Variants in TUBE1 observed in about 807,000 individuals in gnomAD.
TUBE1 encodes the protein tubulin epsilon 1, also known as tubulin epsilon chain.
In TUBE1, 34 loss-of-function variants were observed where a neutral mutation model predicts 53.5. The observed-to-expected ratio is 0.64, with a 90% CI of 0.48 to 0.85. The LOEUF (loss-of-function observed/expected upper bound fraction) is 0.85, where lower values mean the gene tolerates loss of function less well. Ranked by LOEUF, TUBE1 falls within the 40% of genes least tolerant of loss-of-function variation. The probability of loss-of-function intolerance (pLI) is 0.00; values close to 1 mark genes in which losing one functional copy is unlikely to be tolerated. For missense variants in TUBE1, 532 were observed against 570.5 expected, an observed-to-expected ratio of 0.93 and a Z score of 0.69; for synonymous variants, 177 against 198.4, an observed-to-expected ratio of 0.89 and a Z score of 0.91.
chr6:112,085,972 T>C (rs112457382), intron 3 of TUBE1, among the ~76,000 whole-genome samples: 3,276 of 152,340 alleles, frequency 0.022, 118 homozygotes, highest in African/African-American at 0.076. Flanking sequence ...AGAACTGATG[T>C]TCCTATTGGA....
At chr6:112,073,400 T>C (rs1406708758) in intron 9 of TUBE1, among the ~76,000 whole-genome samples, 3 of 152,202 alleles carry the variant, frequency 2.0e-5, no homozygotes, top group South Asian at 2.1e-4. Context: ...TGAAACTCCA[T>C]AGTAGTTCTC....
rs1776969120 is a variant in TUBE1, at chr6:112,076,388, A to G, written c.570T>C (p.Tyr190=). The part of the protein sequence containing the change: ...SGEDDVITSP[Y]NSILAMKELN... ...GTTCCTTCATTGCCAAGATGCTATT[A>G]TAAGGTGAGGTTATGACATCATCCT... The change falls in exon 7 of 12, where the codon TAT becomes TAC. Residue 190 remains tyrosine, a synonymous_variant. Coordinates refer to ENST00000368662, the MANE Select transcript of TUBE1 (RefSeq NM_016262.5). The G allele has an allele frequency of 1.9e-6, 3 of 1,612,520 alleles. No homozygotes were observed. The highest frequency in any genetic ancestry group is 2.7e-5 in the African/African-American group (2 of 74,844).
At chr6:112,076,578 T>C (rs980507125) in intron 6 of TUBE1, 69 bp from the exon 7 acceptor site, 4 of 1,391,190 alleles carry the variant, frequency 2.9e-6, no homozygotes, top group Non-Finnish European at 3.9e-6. Context: ...AATTTGAAAC[T>C]TTATTTTTTT....
At chr6:112,079,468 CA>C in intron 6 of TUBE1, 164 bp downstream of exon 6, 1 of 502,608 alleles carries the variant, frequency 2.0e-6, no homozygotes. Context: ...CATAATTCCA[CA>C]AAATTTTAAG....
Position 112,072,023 on chromosome 6 carries a change from C to T in TUBE1, c.1148G>A (p.Ser383Asn). ...GCCCACAGGAGGTACGGAACACAGG[C>T]TGGTCTTCCAGCCTTCTTGATTCCA... ...VSWNQEGWKT[S>N]LCSVPPVGHS... Residue 383 changes from serine (S) to asparagine (N), a missense_variant, in exon 11 of 12, where the codon AGC (serine) becomes AAC (asparagine). Ser to Asn is a conservative substitution (Grantham distance 46, BLOSUM62 1). Coordinates refer to ENST00000368662, the MANE Select transcript of TUBE1 (RefSeq NM_016262.5). 6.2e-7 allele frequency: 1 copy of T among 1,611,306 alleles called. No individual in the cohort carries two copies. The highest frequency in any genetic ancestry group is 8.5e-7 in the Non-Finnish European group (1 of 1,178,894).
intron 3 of TUBE1, among the ~76,000 whole-genome samples, chr6:112,085,012 G>A (rs1425250266): frequency 6.6e-6 from 1 of 152,142 alleles, no homozygotes; most frequent in Non-Finnish European, 1.5e-5. Context: ...TTCAAATGTG[G>A]ACACACCCAT....
rs1776874505 is a variant in TUBE1 at position 112,071,962 on chromosome 6, T to C, written c.1209A>G (p.Thr403=). Residue 403 remains threonine, a synonymous_variant, in exon 11 of 12, where the codon ACA becomes ACG. Transcript: ENST00000368662. ...SHSLLALANN[T]CVKPTFMELK... ...GTTCCATGAAGGTGGGCTTCACACA[T>C]GTGTTATTTGCTAAAGCTAATAACG... 6.2e-7 allele frequency: 1 copy of C among 1,612,526 alleles called. No homozygotes were observed. The highest frequency in any genetic ancestry group is 8.5e-7 in the Non-Finnish European group (1 of 1,179,426).
chr6:112,074,710 C>T lies in TUBE1; in HGVS notation c.953G>A (p.Arg318Lys), dbSNP rs782464590. The change falls in exon 9 of 12, where the codon AGA (arginine) becomes AAA (lysine). Residue 318 changes from arginine (R) to lysine (K), a missense_variant and splice_region_variant. By Grantham distance (26) the Arg-to-Lys change is conservative. Coordinates refer to ENST00000368662, the MANE Select transcript of TUBE1 (RefSeq NM_016262.5). ...AAATTGAAACAAAGTTACACCTTAC[C>T]TTCTAGGAGGAATGTTAACATCTGT... ...TLTDVNIPPR[R>K]LDQMFSDAFS... 16 of 1,510,948 alleles carry T rather than the reference C, an allele frequency of 1.1e-5. No homozygotes were observed. Among genetic ancestry groups the T allele is most frequent in the Admixed American group, 2.3e-5 (1 of 44,406 alleles). The allele number at this position is 1,510,948 out of a possible 1,614,324, so 93.6% of individuals were successfully genotyped here. A position where few individuals can be genotyped will look rare whatever the true frequency, so the allele number is the denominator to read the frequency against.
rs1554315409 is a variant in TUBE1, at chr6:112,072,005, G to A, written c.1166C>T (p.Pro389Leu). 2 of 1,613,268 alleles carry A rather than the reference G, an allele frequency of 1.2e-6. No homozygotes were observed. Among genetic ancestry groups the A allele is most frequent in the South Asian group, 2.2e-5 (2 of 91,014 alleles). ...GWKTSLCSVP[P>L]VGHSHSLLAL... The stretch of plus-strand genomic sequence containing the variant: ...TAATAACGAATGAGAATGGCCCACA[G>A]GAGGTACGGAACACAGGCTGGTCTT... Residue 389 changes from proline to leucine, a missense_variant, in exon 11 of 12, where the codon CCT (proline) becomes CTT (leucine). By Grantham distance (98) the Pro-to-Leu change is moderately conservative. Coordinates refer to ENST00000368662, the MANE Select transcript of TUBE1 (RefSeq NM_016262.5).
intron 3 of TUBE1, chr6:112,085,522 G>T (rs113618669): frequency 0.01 from 3,806 of 367,538 alleles, 137 homozygotes; most frequent in African/African-American, 0.076. Flanking sequence ...GAGAAGCGCC[G>T]GAAAGGAAGT....
Position 112,087,243 on chromosome 6 carries a change from G to C in TUBE1, c.89C>G (p.Ala30Gly), listed in dbSNP as rs1554317485. 1.4e-5 allele frequency: 21 copies of C among 1,551,080 alleles called. No homozygotes were observed. The highest frequency in any genetic ancestry group is 1.7e-5 in the Non-Finnish European group (20 of 1,146,932). Reference protein sequence around the residue: ...FWDLALREHAAVNQKGIYDEA... With the variant: ...FWDLALREHAGVNQKGIYDEA... ...GCGGCGGGCGGGTACCTGGTTGACC[G>C]CGGCGTGCTCCCTTAGTGCCAGGTC... The change falls in exon 2 of 12, where the codon GCG becomes GGG. Residue 30 changes from alanine (A) to glycine (G), a missense_variant. Coordinates refer to ENST00000368662, the MANE Select transcript of TUBE1 (RefSeq NM_016262.5).
chr6:112,086,581 T>G lies in TUBE1; in HGVS notation c.127A>C (p.Ser43Arg). The G allele has an allele frequency of 6.2e-7, 1 of 1,612,486 alleles. No homozygotes were observed. Among genetic ancestry groups the G allele is most frequent in the Non-Finnish European group, 8.5e-7 (1 of 1,178,708 alleles). The change falls in exon 3 of 12, where the codon AGC becomes CGC. Residue 43 changes from serine (S) to arginine (R), a missense_variant. By Grantham distance (110) the Ser-to-Arg change is moderately radical. Transcript: ENST00000368662. Reference protein sequence around the residue: ...QKGIYDEAISSFFRNVDTRVV... With the variant: ...QKGIYDEAISRFFRNVDTRVV... The stretch of plus-strand genomic sequence containing the variant: ...CTGGTGTCCACATTTCTAAAGAAGC[T>G]GCTTATTGCCTCATCATAAATTCCT...
chr6:112,071,987 G>T lies in TUBE1; in HGVS notation c.1184C>A (p.Ser395Ter), dbSNP rs144370746. ...TGTGTTATTTGCTAAAGCTAATAAC[G>T]AATGAGAATGGCCCACAGGAGGTAC... ...CSVPPVGHSHSLLALANNTCV... is the reference protein window; with the variant it reads ...CSVPPVGHSH Residue 395 changes from serine (S) to a stop codon, truncating the protein, a stop_gained, in exon 11 of 12, where the codon TCG becomes TAG. Coordinates refer to ENST00000368662, the MANE Select transcript of TUBE1 (RefSeq NM_016262.5). LOFTEE classifies it high-confidence loss of function. 1 of 1,612,804 alleles carries T rather than the reference G, an allele frequency of 6.2e-7. No homozygotes were observed. The highest frequency in any genetic ancestry group is 1.3e-5 in the African/African-American group (1 of 74,792).
At chr6:112,086,652 T>C (rs1554317369) in intron 2 of TUBE1, 44 bp from the exon 3 acceptor site, 2 of 1,354,358 alleles carry the variant, frequency 1.5e-6, no homozygotes, top group South Asian at 1.2e-5. Flanking sequence ...GTTTTGCTTC[T>C]CGCCCAAATC....
At position 112,071,964 on chromosome 6, in the gene TUBE1, T is replaced by G; in HGVS notation, c.1207A>C (p.Thr403Pro). ...SHSLLALANN[T>P]CVKPTFMELK... Reference sequence around the variant, plus strand: ...TCCATGAAGGTGGGCTTCACACATGTGTTATTTGCTAAAGCTAATAACGAA... The same window carrying G: ...TCCATGAAGGTGGGCTTCACACATGGGTTATTTGCTAAAGCTAATAACGAA... The change falls in exon 11 of 12, where the codon ACA becomes CCA. Residue 403 changes from threonine to proline, a missense_variant. Thr to Pro is a conservative substitution (Grantham distance 38). Transcript: ENST00000368662. 1.9e-6 allele frequency: 3 copies of G among 1,612,822 alleles called. No homozygotes were observed. Among genetic ancestry groups the G allele is most frequent in the Non-Finnish European group, 2.5e-6 (3 of 1,179,558 alleles).
In TUBE1 at chr6:112,079,691, CTTTCTGAA is replaced by C. The variant is rs1554316491; in HGVS notation, c.382_389del (p.Phe128ValfsTer6). 5.0e-6 allele frequency: 8 copies of C among 1,612,288 alleles called. No homozygotes were observed. The highest frequency in any genetic ancestry group is 6.8e-6 in the Non-Finnish European group (8 of 1,179,044). Reference sequence around the variant, plus strand: ...GCAAGCAATCACAGTGCTCTGCCGACTTTCTGAATTTCTCTAAAATCTGGTCTTGGTAA... The same window carrying C: ...GCAAGCAATCACAGTGCTCTGCCGACTTTCTCTAAAATCTGGTCTTGGTAA... On this transcript the variant is annotated frameshift_variant, in exon 6 of 12. Transcript: ENST00000368662. LOFTEE classifies it high-confidence loss of function.
chr6:112,077,934 C>T (rs1776999379), intron 6 of TUBE1: 2 of 152,014 alleles, frequency 1.3e-5, no homozygotes, highest in East Asian at 1.9e-4. Context: ...CGAATAATGC[C>T]ACCACGAAAT....
chr6:112,074,059 T>C (rs12193228), intron 9 of TUBE1, among the ~76,000 whole-genome samples: 2,596 of 152,328 alleles, frequency 0.017, 31 homozygotes, highest in Non-Finnish European at 0.028. Context: ...TTCCCTTTCT[T>C]ATTTACATAC....
At chr6:112,072,099 C>T (rs1310133389) in intron 10 of TUBE1, 23 bp from the exon 11 acceptor site, 45 of 1,553,730 alleles carry the variant, frequency 2.9e-5, no homozygotes, top group Non-Finnish European at 3.6e-5. Flanking sequence ...AAAAAAATCT[C>T]AGAAGGTGAG....
Sources: gnomAD v4.1 joint callset for allele counts (sites outside exome capture counted in the v4.1 genomes callset) on GRCh38, gnomAD v4.1.1 for gene constraint, MANE v1.5 for transcripts, NCBI Gene and HGNC (gene_info 2026-07-23, HGNC 2026-07-21) for gene names.